MTF1: variants seen among roughly 807,000 people sequenced by gnomAD.
MTF1 encodes metal regulatory transcription factor 1, also known as MRE-binding transcription factor.
A neutral mutation model predicts 70.4 loss-of-function variants in MTF1; 22 were observed. The ratio of observed to expected loss-of-function variants is 0.31; its 90% CI spans 0.22 to 0.45. The LOEUF (loss-of-function observed/expected upper bound fraction) is 0.45. MTF1 is among the 20% of genes least tolerant of loss of function. The pLI is 1.00. For missense variants in MTF1, 649 were observed against 922.0 expected (o/e 0.70, Z 3.83); for synonymous variants, 333 against 352.8 (o/e 0.94, Z 0.63).
intron 2 of MTF1, among the ~76,000 whole-genome samples, chr1:37,852,968 A>C (rs1329581844): frequency 3.3e-5 from 5 of 152,220 alleles, no homozygotes; most frequent in Admixed American, 3.3e-4. Flanking sequence ...CTCATGGCTC[A>C]TTCATCAAAC....
intron 9 of MTF1, among the ~76,000 whole-genome samples, chr1:37,817,878 T>A (rs1212482654): frequency 6.6e-6 from 1 of 152,138 alleles, no homozygotes; most frequent in Non-Finnish European, 1.5e-5. Flanking sequence ...TGGAAAGTTC[T>A]TTTTTTCCCC....
rs189893916 is a variant in MTF1, at chr1:37,837,115, T to C, written c.780-1371A>G. Among the ~76,000 whole-genome samples, 209 of 152,198 alleles carry C rather than the reference T, an allele frequency of 1.4e-3. No homozygotes were observed. The Middle Eastern group carries it at 0.02, about 15-fold the overall frequency. Reference sequence around the variant, plus strand: ...TCTCTCTGTTGCCCAGGCTGGAGTGTAGTGGCATGACCATGGCTCACTACA... The same window carrying C: ...TCTCTCTGTTGCCCAGGCTGGAGTGCAGTGGCATGACCATGGCTCACTACA... On this transcript the variant is annotated intron_variant, in intron 4 of 10. Coordinates refer to ENST00000373036, the MANE Select transcript of MTF1 (RefSeq NM_005955.3).
At position 37,840,958 on chromosome 1, in the gene MTF1, C is replaced by T; in HGVS notation, c.409-800G>A. On this transcript the variant is annotated intron_variant, in intron 2 of 10. Coordinates refer to ENST00000373036, the MANE Select transcript of MTF1 (RefSeq NM_005955.3). The surrounding 1 kb of genome is among the most constrained non-coding windows in gnomAD (Gnocchi z 4.5). ...GCCAGGGCTGAGGCCATGGAGCTCT[C>T]AGAGGCAAGGCTGAGAACAAGGAGT... is the stretch of plus-strand genomic sequence containing the variant. 4.5e-6 allele frequency: 1 copy of T among 220,922 alleles called. No individual in the cohort carries two copies. The highest frequency in any genetic ancestry group is 9.0e-6 in the Non-Finnish European group (1 of 110,574). 13.7% of individuals were successfully genotyped at this position (220,922 alleles called of 1,614,324 possible).
chr1:37,857,681 T>A lies in MTF1; in HGVS notation c.-23A>T. Reference sequence around the variant, plus strand: ...CATGGTTCAGTTGTGCTCAGCCCAGTTGTGAGAAATGAAAACGTAATGACT... The same window carrying A: ...CATGGTTCAGTTGTGCTCAGCCCAGATGTGAGAAATGAAAACGTAATGACT... On this transcript the variant is annotated 5_prime_UTR_variant, in exon 2 of 11. Transcript: ENST00000373036. The A allele has an allele frequency of 1.9e-6, 3 of 1,606,384 alleles. No individual in the cohort carries two copies. The highest frequency in any genetic ancestry group is 2.6e-6 in the Non-Finnish European group (3 of 1,175,202).
At chr1:37,831,622 A>G (rs1349884777) in intron 7 of MTF1, among the ~76,000 whole-genome samples, 2 of 152,224 alleles carry the variant, frequency 1.3e-5, no homozygotes, top group East Asian at 3.8e-4. Flanking sequence ...TCATGGAGCC[A>G]TGGGAATGGC....
intron 2 of MTF1, among the ~76,000 whole-genome samples, chr1:37,842,541 C>G (rs1407683889): frequency 6.6e-6 from 1 of 152,162 alleles, no homozygotes; most frequent in East Asian, 1.9e-4. Flanking sequence ...ATAGTAATGC[C>G]TTGGGGCACT....
intron 2 of MTF1, among the ~76,000 whole-genome samples, chr1:37,851,222 C>G (rs138494063): frequency 2.1e-4 from 32 of 152,284 alleles, no homozygotes; most frequent in Middle Eastern, 3.4e-3. Context: ...CTACTGATTT[C>G]AAGAATATAG....
chr1:37,841,285 T>A (rs1191078544), intron 2 of MTF1: 3 of 154,476 alleles, frequency 1.9e-5, no homozygotes, highest in Non-Finnish European at 4.3e-5. Flanking sequence ...TCTCCACTGT[T>A]CCTGTTTGGA....
intron 6 of MTF1, among the ~76,000 whole-genome samples, chr1:37,832,756 C>G (rs769259659): frequency 4.6e-5 from 7 of 152,136 alleles, no homozygotes; most frequent in Non-Finnish European, 8.8e-5. Flanking sequence ...CCTGTAATCC[C>G]AGCAATTTGG....
chr1:37,811,575 C>A lies in MTF1; in HGVS notation c.*3561G>T, dbSNP rs751525526. Reference sequence around the variant, plus strand: ...AAAGTGCTTTTTTATTTTATTATTTCTTTAATATACCAATATGAGGTTCTG... The same window carrying A: ...AAAGTGCTTTTTTATTTTATTATTTATTTAATATACCAATATGAGGTTCTG... On this transcript the variant is annotated 3_prime_UTR_variant, in exon 11 of 11. Transcript: ENST00000373036. The A allele has an allele frequency of 6.6e-6, 1 of 152,148 alleles. No individual in the cohort carries two copies. Among genetic ancestry groups the A allele is most frequent in the Admixed American group, 6.5e-5 (1 of 15,272 alleles). The allele number at this position is 152,148 out of a possible 1,614,324, so 9.4% of individuals were successfully genotyped here.
Position 37,857,515 on chromosome 1 carries a change from A to G in MTF1, c.144T>C (p.Thr48=), listed in dbSNP as rs1247115988. The G allele has an allele frequency of 3.0e-5, 48 of 1,614,084 alleles. No homozygotes were observed. Among genetic ancestry groups the G allele is most frequent in the Non-Finnish European group, 4.0e-5 (47 of 1,180,046 alleles). The change falls in exon 2 of 11, where the codon ACT becomes ACC. Residue 48 remains threonine (T), a synonymous_variant. Transcript: ENST00000373036. ...TGCCAGGGTCCTGCTCAATAAGAAC[A>G]GTGGTCCTATCATAAACAGTTCCAG... ...SSSGTVYDRT[T]VLIEQDPGTL... is the part of the protein sequence containing the mutation.
intron 4 of MTF1, among the ~76,000 whole-genome samples, chr1:37,836,015 T>G (rs955151854): frequency 6.6e-6 from 1 of 152,176 alleles, no homozygotes; most frequent in Non-Finnish European, 1.5e-5. Flanking sequence ...TTAGCCAGGA[T>G]GGTCTCGATC....
chr1:37,841,104 C>A, intron 2 of MTF1: 1 of 168,740 alleles, frequency 5.9e-6, no homozygotes, highest in South Asian at 1.3e-4. Context: ...TTGCTGGGGT[C>A]ACCTCTCGAG....
At chr1:37,819,350 C>T (rs780606513) in intron 9 of MTF1, among the ~76,000 whole-genome samples, 11 of 151,464 alleles carry the variant, frequency 7.3e-5, no homozygotes, top group Admixed American at 3.3e-4. Flanking sequence ...AGACCGGGCG[C>T]GGTGGCTCAC....
At chr1:37,852,467 C>T (rs923980059) in intron 2 of MTF1, among the ~76,000 whole-genome samples, 1 of 152,176 alleles carries the variant, frequency 6.6e-6, no homozygotes, top group African/African-American at 2.4e-5. Flanking sequence ...TCAGCATGCA[C>T]ACAGCACTTC....
At chr1:37,844,172 C>T (rs1183485855) in intron 2 of MTF1, among the ~76,000 whole-genome samples, 1 of 152,210 alleles carries the variant, frequency 6.6e-6, no homozygotes. Context: ...TCCAGGGCTG[C>T]TTCTGTCTTC....
At chr1:37,817,619 ATGTTT>A (rs1200957227) in intron 9 of MTF1, 137 bp from the exon 10 acceptor site, 6 of 685,216 alleles carry the variant, frequency 8.8e-6, no homozygotes, top group Non-Finnish European at 1.5e-5. Context: ...GTACTGAGTG[ATGTTT>A]TGTTTGTGCT....
intron 9 of MTF1, among the ~76,000 whole-genome samples, 184 bp from the exon 10 acceptor site, chr1:37,817,666 C>T (rs1335457757): frequency 6.6e-6 from 1 of 152,194 alleles, no homozygotes; most frequent in Non-Finnish European, 1.5e-5. Context: ...GTTTGACATT[C>T]AGTGCTGACA....
rs114827416 is a variant in MTF1 at position 37,820,024 on chromosome 1, T to C, written c.1767+2097A>G. 3.9e-3 allele frequency among the ~76,000 whole-genome samples: 541 copies of C among 138,190 alleles called. 4 individuals carry two copies. The highest frequency in any genetic ancestry group is 0.013 in the African/African-American group (468 of 36,460). 90.7% of individuals were successfully genotyped at this position (138,190 alleles called of 152,430 possible). ...CCTAAATATCTGAAAAGAAAATGGATGACTTGTTTCACTCAGCACCCCAGG... is the reference window on the plus strand; with the variant it reads ...CCTAAATATCTGAAAAGAAAATGGACGACTTGTTTCACTCAGCACCCCAGG... On this transcript the variant is annotated intron_variant, in intron 9 of 10. Coordinates refer to ENST00000373036, the MANE Select transcript of MTF1 (RefSeq NM_005955.3).
Sources: gnomAD v4.1 joint callset for allele counts (sites outside exome capture counted in the v4.1 genomes callset) on GRCh38, gnomAD v4.1.1 for gene constraint, Gnocchi (gnomAD v3.1) non-coding constraint, MANE v1.5 for transcripts, NCBI Gene and HGNC (gene_info 2026-07-23, HGNC 2026-07-21) for gene names.